Variants in SRSF9 observed in about 807,000 individuals in gnomAD.
The protein encoded by SRSF9 is serine and arginine rich splicing factor 9.
A neutral mutation model predicts 25.9 loss-of-function variants in SRSF9; 3 were observed. That is an observed-to-expected ratio of 0.12 (90% CI 0.05 to 0.30). The LOEUF (loss-of-function observed/expected upper bound fraction) is 0.30. Among genes scored for constraint, SRSF9 ranks in the 10% least tolerant of loss-of-function variants. The probability of loss-of-function intolerance (pLI) is 1.00; values close to 1 mark genes in which losing one functional copy is unlikely to be tolerated. For missense variants in SRSF9, 161 were observed against 303.5 expected (o/e 0.53, Z 3.49); for synonymous variants, 114 against 113.2 (o/e 1.01, Z -0.05).
At position 120,469,587 on chromosome 12, in the gene SRSF9, C is replaced by T; in HGVS notation, c.23G>A (p.Arg8His). MSGWADE[R>H]GGEGDGRIYV... ...GATGCGCCCGTCGCCCTCGCCGCCG[C>T]GCTCGTCCGCCCAGCCCGACATCCG... The change falls in exon 1 of 4, where the codon CGC becomes CAC. Residue 8 changes from arginine (R) to histidine (H), a missense_variant. Around this residue, in one of 3 missense-constraint regions of SRSF9, gnomAD observed 99 missense variants for 156.7 expected, o/e 0.63. Coordinates refer to ENST00000229390, the MANE Select transcript of SRSF9 (RefSeq NM_003769.3). The T allele has an allele frequency of 6.5e-7, 1 of 1,534,300 alleles. No individual in the cohort carries two copies. Among genetic ancestry groups the T allele is most frequent in the Non-Finnish European group, 8.7e-7 (1 of 1,144,266 alleles).
At chr12:120,463,801 T>C (rs1242251942) in intron 3 of SRSF9, 149 bp downstream of exon 3, 15 of 878,994 alleles carry the variant, frequency 1.7e-5, no homozygotes, top group Middle Eastern at 2.3e-4. Flanking sequence ...GACTTAGGCA[T>C]AGCAAATTCC....
rs1592994437 is a variant in SRSF9 at position 120,469,686 on chromosome 12, C to T, written c.-77G>A. 2.0e-6 allele frequency: 2 copies of T among 987,110 alleles called. No individual in the cohort carries two copies. The highest frequency in any genetic ancestry group is 4.9e-5 in the South Asian group (1 of 20,612). 61.1% of individuals were successfully genotyped at this position (987,110 alleles called of 1,614,324 possible). On this transcript the variant is annotated 5_prime_UTR_variant, in exon 1 of 4. Transcript: ENST00000229390. Reference sequence around the variant, plus strand: ...CTCAGCACGGGTCCCCCCGCAGCGTCCCCGCGGGCTCCGAGGCGCTCAGCC... The same window carrying T: ...CTCAGCACGGGTCCCCCCGCAGCGTTCCCGCGGGCTCCGAGGCGCTCAGCC...
At chr12:120,466,068 AAAAG>A (rs1878475805) in intron 1 of SRSF9, among the ~76,000 whole-genome samples, 1 of 152,224 alleles carries the variant, frequency 6.6e-6, no homozygotes. Flanking sequence ...TCAGAGAAAA[AAAAG>A]AATCAACTGC....
At chr12:120,466,644 C>T (rs1878488130) in intron 1 of SRSF9, among the ~76,000 whole-genome samples, 1 of 152,108 alleles carries the variant, frequency 6.6e-6, no homozygotes, top group African/African-American at 2.4e-5. Flanking sequence ...GCAAGCAATC[C>T]TCCCACCTCA....
intron 1 of SRSF9, 50 bp from the exon 2 acceptor site, chr12:120,465,837 A>C: frequency 6.5e-7 from 1 of 1,533,958 alleles, no homozygotes; most frequent in Non-Finnish European, 8.7e-7. Context: ...AGTGCTGTTC[A>C]GGAGGCCAAG....
At chr12:120,464,253 A>G (rs994484850) in intron 2 of SRSF9, 131 bp from the exon 3 acceptor site, 12 of 1,044,422 alleles carry the variant, frequency 1.1e-5, no homozygotes, top group Non-Finnish European at 1.6e-5. Flanking sequence ...ATAAACCTTG[A>G]TAAGGGACAT....
At chr12:120,466,383 G>A (rs1287008123) in intron 1 of SRSF9, among the ~76,000 whole-genome samples, 1 of 152,116 alleles carries the variant, frequency 6.6e-6, no homozygotes, top group African/African-American at 2.4e-5. Flanking sequence ...TTAGATAGGA[G>A]AGTATTTGAG....
intron 1 of SRSF9, among the ~76,000 whole-genome samples, chr12:120,467,187 G>A (rs1293156167): frequency 2.9e-5 from 2 of 68,090 alleles, no homozygotes; most frequent in African/African-American, 3.0e-4. Flanking sequence ...GAACTGCTAG[G>A]AGGTCAGAAC....
Position 120,469,604 on chromosome 12 carries a change from C to T in SRSF9, c.6G>A (p.Ser2=). Residue 2 remains serine (S), a synonymous_variant, in exon 1 of 4, where the codon TCG becomes TCA. Transcript: ENST00000229390. ...CGCCGCCGCGCTCGTCCGCCCAGCC[C>T]GACATCCGCACCGCCCGACGCCGCG... M[S]GWADERGGEG... 1 of 1,496,332 alleles carries T rather than the reference C, an allele frequency of 6.7e-7. No individual in the cohort carries two copies. The highest frequency in any genetic ancestry group is 8.9e-7 in the Non-Finnish European group (1 of 1,124,872). 92.7% of individuals were successfully genotyped at this position (1,496,332 alleles called of 1,614,324 possible).
chr12:120,467,645 G>C (rs1435752925), intron 1 of SRSF9, among the ~76,000 whole-genome samples: 1 of 152,022 alleles, frequency 6.6e-6, no homozygotes, highest in Admixed American at 6.6e-5. Flanking sequence ...TTATTGTAAT[G>C]GTTAAATAAG....
In SRSF9 at chr12:120,469,413, G is replaced by A; in HGVS notation, c.188+9C>T. On this transcript the variant is annotated intron_variant, in intron 1 of 3. Coordinates refer to ENST00000229390, the MANE Select transcript of SRSF9 (RefSeq NM_003769.3). ...CGAGGAGGAGAGGGCAGGGGCGCGGGGGCCTCACCGGGGGTCCTCGAAGCG... is the reference window on the plus strand; with the variant it reads ...CGAGGAGGAGAGGGCAGGGGCGCGGAGGCCTCACCGGGGGTCCTCGAAGCG... The A allele has an allele frequency of 6.3e-7, 1 of 1,575,870 alleles. No homozygotes were observed. The highest frequency in any genetic ancestry group is 8.6e-7 in the Non-Finnish European group (1 of 1,162,186).
intron 1 of SRSF9, among the ~76,000 whole-genome samples, chr12:120,467,438 T>A (rs147471787): frequency 6.6e-6 from 1 of 151,992 alleles, no homozygotes; most frequent in East Asian, 1.9e-4. Flanking sequence ...GAGGCGAAGG[T>A]TGCAGTGAGC....
rs1339395101 is a variant in SRSF9 at position 120,462,171 on chromosome 12, CAAACAA to C, written c.523-15_523-10del. On this transcript the variant is annotated splice_polypyrimidine_tract_variant and intron_variant, in intron 3 of 3. Transcript: ENST00000229390. ...ATGTAGGAAGTTTCACCCTGAAATGCAAACAAAAACAAAAAGAGTAAAGGGGAAAAA... is the reference window on the plus strand; with the variant it reads ...ATGTAGGAAGTTTCACCCTGAAATGCAAACAAAAAGAGTAAAGGGGAAAAA... 7 of 1,596,342 alleles carry C rather than the reference CAAACAA, an allele frequency of 4.4e-6. No homozygotes were observed. In the Admixed American group the frequency reaches 5.4e-5, roughly 12 times the overall value.
chr12:120,468,394 C>T (rs1282906511), intron 1 of SRSF9, among the ~76,000 whole-genome samples: 2 of 152,170 alleles, frequency 1.3e-5, no homozygotes, highest in Non-Finnish European at 1.5e-5. Flanking sequence ...CCTTCTCCGG[C>T]TTAGGGGTAA....
intron 1 of SRSF9, among the ~76,000 whole-genome samples, chr12:120,468,334 C>A (rs1289373110): frequency 6.6e-6 from 1 of 152,072 alleles, no homozygotes; most frequent in East Asian, 1.9e-4. Flanking sequence ...TGACCCATAG[C>A]AACTGTTGAA....
intron 1 of SRSF9, among the ~76,000 whole-genome samples, chr12:120,466,257 T>C (rs753298169): frequency 1.3e-5 from 2 of 152,172 alleles, no homozygotes; most frequent in African/African-American, 2.4e-5. Flanking sequence ...TGCACGCCTG[T>C]AGTCCCAGCT....
At position 120,461,927 on chromosome 12, in the gene SRSF9, A is replaced by G; in HGVS notation, c.*92T>C. The stretch of plus-strand genomic sequence containing the variant: ...AAAAAAAAAATTAAAAAAATTTCCT[A>G]AGACACTAAATCCTCAATCTGGAAT... On this transcript the variant is annotated 3_prime_UTR_variant, in exon 4 of 4. Transcript: ENST00000229390. 1 of 1,292,182 alleles carries G rather than the reference A, an allele frequency of 7.7e-7. No homozygotes were observed. Among genetic ancestry groups the G allele is most frequent in the Non-Finnish European group, 1.0e-6 (1 of 988,126 alleles). The allele number at this position is 1,292,182 out of a possible 1,614,324, so 80.0% of individuals were successfully genotyped here.
At chr12:120,465,041 C>T (rs1449201856) in intron 2 of SRSF9, 1 of 152,104 alleles carries the variant, frequency 6.6e-6, no homozygotes, top group Non-Finnish European at 1.5e-5. Flanking sequence ...CCACCAGGGC[C>T]CTAAAACTCC....
At chr12:120,466,017 T>G (rs1206366511) in intron 1 of SRSF9, among the ~76,000 whole-genome samples, 1 of 152,112 alleles carries the variant, frequency 6.6e-6, no homozygotes, top group Non-Finnish European at 1.5e-5. Context: ...GGTATGAAAT[T>G]ATAATGAATG....
Sources: gnomAD v4.1 joint callset for allele counts (sites outside exome capture counted in the v4.1 genomes callset) on GRCh38, gnomAD v4.1.1 for gene constraint, gnomAD v4.1.1 regional missense constraint, MANE v1.5 for transcripts, NCBI Gene and HGNC (gene_info 2026-07-23, HGNC 2026-07-21) for gene names.